The following CLNK variants were observed in gnomAD, a reference collection of about 807,000 sequenced individuals.
CLNK encodes the protein cytokine-dependent hematopoietic cell linker.
A neutral mutation model predicts 68.6 loss-of-function variants in CLNK; 74 were observed. The observed-to-expected ratio is 1.08, with a 90% CI of 0.89 to 1.31. CLNK has a LOEUF of 1.31. CLNK is among the 50% of genes most tolerant of loss of function. The probability of loss-of-function intolerance (pLI) is 0.00; values close to 1 mark genes in which losing one functional copy is unlikely to be tolerated. For missense variants in CLNK, 553 were observed against 515.3 expected (o/e 1.07, Z -0.71); for synonymous variants, 198 against 172.2 (o/e 1.15, Z -1.17).
intron 2 of CLNK, among the ~76,000 whole-genome samples, chr4:10,603,954 G>A (rs768526058): frequency 3.9e-5 from 6 of 152,204 alleles, no homozygotes; most frequent in Non-Finnish European, 8.8e-5. Context: ...AGAAGAGAAT[G>A]AGAAGGAGCA....
intron 4 of CLNK, among the ~76,000 whole-genome samples, chr4:10,581,178 C>A (rs1720766056): frequency 3.3e-5 from 5 of 152,100 alleles, no homozygotes; most frequent in Admixed American, 2.6e-4. Context: ...TGCTATATGG[C>A]CTAGGTAAGT....
At chr4:10,681,754 G>T (rs999640687) in intron 1 of CLNK, among the ~76,000 whole-genome samples, 2 of 152,282 alleles carry the variant, frequency 1.3e-5, no homozygotes, top group East Asian at 3.9e-4. Flanking sequence ...CATCAGCAGG[G>T]TACTCATGGA....
At chr4:10,628,791 T>C (rs1722776883) in intron 2 of CLNK, among the ~76,000 whole-genome samples, 1 of 152,178 alleles carries the variant, frequency 6.6e-6, no homozygotes, top group Non-Finnish European at 1.5e-5. Flanking sequence ...TCCCAAAGTG[T>C]AGGATTCTCT....
At position 10,523,823 on chromosome 4, in the gene CLNK, G is replaced by A. The variant is rs369755463; in HGVS notation, c.731+2018C>T. On this transcript the variant is annotated intron_variant, in intron 14 of 18. Coordinates refer to ENST00000226951, the MANE Select transcript of CLNK (RefSeq NM_052964.4). ...GTGAATCACTTGAGCCCAGGAGTTCGAGACTAGCCTGGGCAACATGGTGAG... is the reference window on the plus strand; with the variant it reads ...GTGAATCACTTGAGCCCAGGAGTTCAAGACTAGCCTGGGCAACATGGTGAG... 9 of 186,216 alleles carry A rather than the reference G, an allele frequency of 4.8e-5. No individual in the cohort carries two copies. In the East Asian group the frequency reaches 1.1e-3, roughly 22 times the overall value. 11.5% of individuals were successfully genotyped at this position (186,216 alleles called of 1,614,324 possible).
intron 2 of CLNK, among the ~76,000 whole-genome samples, chr4:10,604,421 C>T (rs565927253): frequency 5.9e-5 from 9 of 152,150 alleles, no homozygotes; most frequent in African/African-American, 7.2e-5. Flanking sequence ...TTCATGCACA[C>T]GCTTCTTCTA....
chr4:10,688,532 G>C (rs777576795), upstream of CLNK, among the ~76,000 whole-genome samples: 1 of 152,152 alleles, frequency 6.6e-6, no homozygotes, highest in Non-Finnish European at 1.5e-5. Flanking sequence ...TCAAGTTTTG[G>C]AGTTTCACTG....
At chr4:10,661,835 C>T (rs1724201642) in intron 2 of CLNK, among the ~76,000 whole-genome samples, 1 of 152,152 alleles carries the variant, frequency 6.6e-6, no homozygotes, top group African/African-American at 2.4e-5. Flanking sequence ...AGGTAATCAG[C>T]TCTTTATCCA....
intron 4 of CLNK, among the ~76,000 whole-genome samples, chr4:10,584,009 C>A (rs1287705818): frequency 6.6e-6 from 1 of 152,178 alleles, no homozygotes; most frequent in African/African-American, 2.4e-5. Flanking sequence ...TGGAGAGGTG[C>A]ATTTGATACT....
chr4:10,699,466 G>GTC, the CLNK span, among the ~76,000 whole-genome samples: 621 of 60,360 alleles, frequency 0.01, 8 homozygotes, highest in African/African-American at 0.023. Flanking sequence ...CATCCTCTCT[G>GTC]TCTCTCTCTC....
At chr4:10,560,380 G>C (rs1021727746) in intron 7 of CLNK, among the ~76,000 whole-genome samples, 9 of 152,092 alleles carry the variant, frequency 5.9e-5, no homozygotes, top group Non-Finnish European at 1.3e-4. Flanking sequence ...GACAAGAACT[G>C]GCCTTTGTAA....
intron 16 of CLNK, among the ~76,000 whole-genome samples, chr4:10,509,105 CAAAA>C (rs35503820): frequency 2.8e-5 from 3 of 105,472 alleles, no homozygotes; most frequent in African/African-American, 7.7e-5. Flanking sequence ...GACTCGGTCT[CAAAA>C]AAAAAAAAAA....
intron 8 of CLNK, among the ~76,000 whole-genome samples, chr4:10,554,892 T>A (rs1261207410): frequency 6.6e-6 from 1 of 152,162 alleles, no homozygotes; most frequent in Non-Finnish European, 1.5e-5. Context: ...CGTTACGAAA[T>A]GAGAGGGAGA....
At chr4:10,508,415 C>T (rs561417211) in intron 16 of CLNK, among the ~76,000 whole-genome samples, 1 of 152,290 alleles carries the variant, frequency 6.6e-6, no homozygotes, top group Admixed American at 6.5e-5. Flanking sequence ...CACATGCAAA[C>T]AGCAGGGAGG....
intron 1 of CLNK, among the ~76,000 whole-genome samples, chr4:10,680,012 A>G (rs1162829720): frequency 1.3e-5 from 2 of 152,190 alleles, no homozygotes; most frequent in Non-Finnish European, 2.9e-5. Flanking sequence ...CCATCTCATT[A>G]CTGGATATAT....
intron 18 of CLNK, among the ~76,000 whole-genome samples, chr4:10,500,707 C>A (rs954814864): frequency 1.3e-5 from 2 of 151,098 alleles, no homozygotes; most frequent in African/African-American, 2.4e-5. Context: ...CTAGGCCTGG[C>A]ATATACATAG....
At chr4:10,542,997 G>A (rs968960143) in intron 8 of CLNK, among the ~76,000 whole-genome samples, 1 of 152,034 alleles carries the variant, frequency 6.6e-6, no homozygotes, top group Non-Finnish European at 1.5e-5. Context: ...ACAGTACCAG[G>A]CACTGGGGAA....
At chr4:10,568,322 G>A (rs191902748) in intron 5 of CLNK, among the ~76,000 whole-genome samples, 2 of 152,310 alleles carry the variant, frequency 1.3e-5, no homozygotes, top group East Asian at 1.9e-4. Flanking sequence ...TATATGAAAT[G>A]TCTGGAAGAG....
intron 15 of CLNK, among the ~76,000 whole-genome samples, chr4:10,515,180 A>G (rs1266417063): frequency 6.6e-6 from 1 of 152,108 alleles, no homozygotes; most frequent in East Asian, 1.9e-4. Flanking sequence ...GGAGGTTGCA[A>G]TGAGCCGAGA....
At chr4:10,611,401 G>A (rs1347589728) in intron 2 of CLNK, among the ~76,000 whole-genome samples, 4 of 151,812 alleles carry the variant, frequency 2.6e-5, no homozygotes, top group African/African-American at 9.7e-5. Flanking sequence ...AGGAGGCTGA[G>A]GCATGAGAAT....
Sources: gnomAD v4.1 joint callset for allele counts (sites outside exome capture counted in the v4.1 genomes callset) on GRCh38, gnomAD v4.1.1 for gene constraint, MANE v1.5 for transcripts, NCBI Gene and HGNC (gene_info 2026-07-23, HGNC 2026-07-21) for gene names.